ZNF644: variants seen among roughly 807,000 people sequenced by gnomAD.
The protein encoded by ZNF644 is zinc finger motif enhancer binding protein 2.
In ZNF644, 20 loss-of-function variants were observed where a neutral mutation model predicts 108.0. The observed-to-expected ratio is 0.19, with a 90% CI of 0.13 to 0.27. ZNF644 has a LOEUF of 0.27. Among genes scored for constraint, ZNF644 ranks in the 10% least tolerant of loss-of-function variants. The probability of loss-of-function intolerance (pLI) is 1.00; values close to 1 mark genes in which losing one functional copy is unlikely to be tolerated. For synonymous variants in ZNF644, 542 were observed against 539.1 expected (o/e 1.01, Z -0.08); for missense variants, 1,338 against 1,548.9 (o/e 0.86, Z 2.29).
At chr1:90,984,157 G>C (rs1656853451) in intron 1 of ZNF644, among the ~76,000 whole-genome samples, 1 of 152,134 alleles carries the variant, frequency 6.6e-6, no homozygotes, top group African/African-American at 2.4e-5. Context: ...AGAACTGTGA[G>C]AGAATTAATT....
chr1:91,006,662 C>T (rs556344655), intron 1 of ZNF644, among the ~76,000 whole-genome samples: 2 of 152,196 alleles, frequency 1.3e-5, no homozygotes, highest in East Asian at 3.9e-4. Context: ...ATCTAGATCC[C>T]TTCAACCTCC....
chr1:90,963,801 G>A (rs1056154971), intron 2 of ZNF644, among the ~76,000 whole-genome samples: 2 of 152,090 alleles, frequency 1.3e-5, no homozygotes, highest in African/African-American at 4.8e-5. Flanking sequence ...AAGAGACATA[G>A]GGGGTTTCTG....
chr1:90,993,124 T>C (rs1357474355), intron 1 of ZNF644, among the ~76,000 whole-genome samples: 1 of 152,002 alleles, frequency 6.6e-6, no homozygotes, highest in East Asian at 1.9e-4. Context: ...GAAACACCAG[T>C]GGAATCCAGC....
intron 1 of ZNF644, among the ~76,000 whole-genome samples, chr1:90,983,693 A>G (rs1158960097): frequency 2.0e-5 from 3 of 152,078 alleles, no homozygotes; most frequent in Non-Finnish European, 2.9e-5. Flanking sequence ...TTGGGAGGCC[A>G]AGGTGGGCAG....
At chr1:91,007,380 A>G (rs990802562) in intron 1 of ZNF644, among the ~76,000 whole-genome samples, 14 of 151,358 alleles carry the variant, frequency 9.2e-5, no homozygotes, top group African/African-American at 3.4e-4. Context: ...TGCCCTGCTA[A>G]TTTCTGTATT....
chr1:90,921,644 G>A (rs1013406089), intron 4 of ZNF644, among the ~76,000 whole-genome samples: 6 of 151,432 alleles, frequency 4.0e-5, no homozygotes, highest in Non-Finnish European at 8.8e-5. Context: ...CCAAAAGACT[G>A]TTATCTTTCA....
intron 2 of ZNF644, among the ~76,000 whole-genome samples, chr1:90,969,440 G>A (rs551838524): frequency 1.5e-4 from 23 of 152,300 alleles, no homozygotes; most frequent in East Asian, 7.7e-4. Context: ...TTCGCTTTCT[G>A]AGGTTTCAAT....
chr1:90,988,575 C>T (rs1039454976), intron 1 of ZNF644, among the ~76,000 whole-genome samples: 1 of 152,056 alleles, frequency 6.6e-6, no homozygotes, highest in Non-Finnish European at 1.5e-5. Context: ...CCCCATAGAG[C>T]CAAAACAAAC....
intron 4 of ZNF644, among the ~76,000 whole-genome samples, chr1:90,921,232 T>C (rs995954100): frequency 6.6e-6 from 1 of 152,084 alleles, no homozygotes; most frequent in Non-Finnish European, 1.5e-5. Context: ...CACTAGAACA[T>C]TAAATACAGA....
chr1:90,995,411 C>T (rs1055914499), intron 1 of ZNF644, among the ~76,000 whole-genome samples: 4 of 152,048 alleles, frequency 2.6e-5, no homozygotes, highest in Non-Finnish European at 5.9e-5. Context: ...CACTATTAGG[C>T]AGTCCAACAT....
At position 90,939,728 on chromosome 1, in the gene ZNF644, G is replaced by A. The variant is rs988899286; in HGVS notation, c.1626C>T (p.Cys542=). Residue 542 remains cysteine, a synonymous_variant, in exon 3 of 6, where the codon TGC becomes TGT. Coordinates refer to ENST00000337393, the MANE Select transcript of ZNF644 (RefSeq NM_201269.3). ...CTGCCCCATGTGCAATGCCTCGATG[G>A]CATTCCAATTCATTTTCTGTCACTG... ...FMAVTENELE[C]HRGIAHGAVV... 2 of 1,613,888 alleles carry A rather than the reference G, an allele frequency of 1.2e-6. No individual in the cohort carries two copies. Among genetic ancestry groups the A allele is most frequent in the Non-Finnish European group, 1.7e-6 (2 of 1,179,940 alleles).
At chr1:90,950,292 A>G (rs12724935) in intron 2 of ZNF644, among the ~76,000 whole-genome samples, 877 of 2,016 alleles carry the variant, frequency 0.44, 109 homozygotes, top group Middle Eastern at 1. Context: ...AAGGGAAGGG[A>G]AGGGGAGGGG....
At chr1:90,986,256 C>G (rs1657082473) in intron 1 of ZNF644, among the ~76,000 whole-genome samples, 1 of 151,584 alleles carries the variant, frequency 6.6e-6, no homozygotes, top group South Asian at 2.1e-4. Flanking sequence ...CAGACAAATT[C>G]CAATAGAAGA....
intron 4 of ZNF644, among the ~76,000 whole-genome samples, chr1:90,922,422 C>G (rs1436608868): frequency 1.3e-5 from 2 of 152,158 alleles, no homozygotes; most frequent in South Asian, 2.1e-4. Flanking sequence ...TAGCTATGAG[C>G]TCATTCAGAA....
chr1:90,989,769 A>G (rs1317323534), intron 1 of ZNF644, among the ~76,000 whole-genome samples: 2 of 152,192 alleles, frequency 1.3e-5, no homozygotes, highest in Non-Finnish European at 2.9e-5. Context: ...GTTCCTCAAA[A>G]AATTTCAAGT....
At chr1:90,977,765 C>T (rs2101420770) in intron 2 of ZNF644, among the ~76,000 whole-genome samples, 1 of 152,194 alleles carries the variant, frequency 6.6e-6, no homozygotes, top group South Asian at 2.1e-4. Flanking sequence ...CCGTTAATAC[C>T]ATCAAAAATA....
chr1:90,953,900 G>A (rs564576970), intron 2 of ZNF644, among the ~76,000 whole-genome samples: 26 of 152,224 alleles, frequency 1.7e-4, no homozygotes, highest in African/African-American at 5.8e-4. Context: ...GTGACAGAGC[G>A]AGACTCTGTC....
rs1481435073 is a variant in ZNF644 at position 90,938,268 on chromosome 1, T to G, written c.3082+4A>C. 6.2e-7 allele frequency: 1 copy of G among 1,613,866 alleles called. No homozygotes were observed. Among genetic ancestry groups the G allele is most frequent in the Non-Finnish European group, 8.5e-7 (1 of 1,179,862 alleles). ...AGCCCAAATCATCCCCATGGAGAAC[T>G]TACCTTTTCTAACTCGTTTAACAGG... On this transcript the variant is annotated splice_donor_region_variant and intron_variant, in intron 3 of 5. Transcript: ENST00000337393. This position sits in a 1 kb window ranked among gnomAD's most constrained non-coding sequence, Gnocchi z 4.2.
At chr1:90,978,633 A>C (rs1217370220) in intron 2 of ZNF644, among the ~76,000 whole-genome samples, 2 of 152,176 alleles carry the variant, frequency 1.3e-5, no homozygotes, top group East Asian at 3.9e-4. Flanking sequence ...CTGCAGTCTT[A>C]GCAGCAGCTG....
Sources: allele counts gnomAD v4.1 joint callset (sites outside exome capture counted in the v4.1 genomes callset), GRCh38; gene constraint gnomAD v4.1.1; non-coding constraint Gnocchi (gnomAD v3.1); transcripts MANE v1.5; gene names NCBI Gene and HGNC (gene_info 2026-07-23, HGNC 2026-07-21).